Variants in SGCZ observed in about 807,000 individuals in gnomAD.
SGCZ encodes sarcoglycan zeta.
In SGCZ, 40 loss-of-function variants were observed where a neutral mutation model predicts 41.3. The ratio of observed to expected loss-of-function variants is 0.97; its 90% CI spans 0.75 to 1.26. The LOEUF is 1.26. Ranked by LOEUF, SGCZ falls within the 50% of genes most tolerant of loss-of-function variation. The pLI is 0.00. For missense variants in SGCZ, 552 were observed against 369.8 expected (o/e 1.49, Z -4.04); for synonymous variants, 206 against 137.5 (o/e 1.50, Z -3.49).
intron 1 of SGCZ, among the ~76,000 whole-genome samples, chr8:15,075,919 G>C (rs1467757421): frequency 6.6e-6 from 1 of 150,442 alleles, no homozygotes; most frequent in East Asian, 1.9e-4. Flanking sequence ...CAAATCATTT[G>C]AAATATCCCA....
chr8:15,204,087 C>G lies in SGCZ; in HGVS notation c.39+33498G>C, dbSNP rs73533843. Among the ~76,000 whole-genome samples the G allele has an allele frequency of 3.7e-3, 567 of 152,256 alleles. 1 individual carries two copies. Among genetic ancestry groups the G allele is most frequent in the African/African-American group, 0.012 (516 of 41,548 alleles). On this transcript the variant is annotated intron_variant, in intron 1 of 7. Coordinates refer to ENST00000382080, the MANE Select transcript of SGCZ (RefSeq NM_139167.4). Reference sequence around the variant, plus strand: ...TTGAAATTATGACCAATTATAGTAGCTATCTACTCCTAGCATTAAACAGCA... The same window carrying G: ...TTGAAATTATGACCAATTATAGTAGGTATCTACTCCTAGCATTAAACAGCA...
chr8:14,163,421 G>A (rs56145133), intron 5 of SGCZ, among the ~76,000 whole-genome samples: 47,619 of 151,978 alleles, frequency 0.31, 7,762 homozygotes, highest in Middle Eastern at 0.46. Context: ...AACATGTGGT[G>A]TTTGGCTTTC....
At chr8:14,284,530 G>T (rs376501099) in intron 3 of SGCZ, among the ~76,000 whole-genome samples, 1 of 151,958 alleles carries the variant, frequency 6.6e-6, no homozygotes, top group Non-Finnish European at 1.5e-5. Context: ...TTTTTATTCC[G>T]TACGTAGATG....
Position 14,266,284 on chromosome 8 carries a change from A to G in SGCZ, c.337-28605T>C, listed in dbSNP as rs190348064. ...ATGAAGCAATACAAATATAACAGGC[A>G]TGTTCCTTTTCATTCAGGGTCTTCC... On this transcript the variant is annotated intron_variant, in intron 3 of 7. Transcript: ENST00000382080. Among the ~76,000 whole-genome samples, 1,089 of 152,300 alleles carry G rather than the reference A, an allele frequency of 7.2e-3. 9 individuals are homozygous for G. The highest frequency in any genetic ancestry group is 0.017 in the South Asian group (84 of 4,828).
chr8:14,285,329 T>A (rs1800585787), intron 3 of SGCZ, among the ~76,000 whole-genome samples: 1 of 152,120 alleles, frequency 6.6e-6, no homozygotes, highest in Admixed American at 6.6e-5. Flanking sequence ...TGTTTGGGAC[T>A]TATTTCCTCC....
chr8:14,709,640 T>C (rs1471851563), intron 1 of SGCZ, among the ~76,000 whole-genome samples: 3 of 151,276 alleles, frequency 2.0e-5, no homozygotes, highest in Non-Finnish European at 4.4e-5. Context: ...TTCAAAATAA[T>C]ACAGCAAATA....
At chr8:14,259,457 G>A (rs1372558355) in intron 3 of SGCZ, among the ~76,000 whole-genome samples, 3 of 150,628 alleles carry the variant, frequency 2.0e-5, no homozygotes, top group African/African-American at 7.3e-5. Flanking sequence ...GAACGTTTAA[G>A]TCTTTAATCC....
chr8:14,207,849 A>G (rs1197381762), intron 4 of SGCZ, among the ~76,000 whole-genome samples: 2 of 152,176 alleles, frequency 1.3e-5, no homozygotes, highest in Non-Finnish European at 2.9e-5. Context: ...AGAAAAATAT[A>G]CTTGATATGC....
intron 1 of SGCZ, among the ~76,000 whole-genome samples, chr8:14,898,292 C>T (rs1805278916): frequency 6.6e-6 from 1 of 152,048 alleles, no homozygotes; most frequent in Non-Finnish European, 1.5e-5. Flanking sequence ...AGGAAAGATC[C>T]AGGCAAAGAG....
chr8:15,187,701 T>C (rs1296603454), intron 1 of SGCZ, among the ~76,000 whole-genome samples: 1 of 152,042 alleles, frequency 6.6e-6, no homozygotes, highest in Admixed American at 6.5e-5. Context: ...ACTTAAAAAA[T>C]TATTTCTATT....
chr8:14,177,201 G>C (rs931483993), intron 4 of SGCZ, among the ~76,000 whole-genome samples: 5 of 152,112 alleles, frequency 3.3e-5, no homozygotes, highest in African/African-American at 9.7e-5. Flanking sequence ...GAAAATGCCA[G>C]TGGGGACTGG....
chr8:15,161,517 C>G (rs534569467), intron 1 of SGCZ, among the ~76,000 whole-genome samples: 1 of 152,148 alleles, frequency 6.6e-6, no homozygotes, highest in African/African-American at 2.4e-5. Context: ...GTATCCTCAG[C>G]AGTGGGCAGT....
chr8:14,356,422 AATC>A (rs1803294825), intron 2 of SGCZ, among the ~76,000 whole-genome samples: 2 of 152,158 alleles, frequency 1.3e-5, no homozygotes, highest in South Asian at 2.1e-4. Flanking sequence ...TACAGAGAAA[AATC>A]ATGATGAACA....
chr8:14,097,770 T>C (rs1801890007), intron 7 of SGCZ, among the ~76,000 whole-genome samples: 1 of 152,166 alleles, frequency 6.6e-6, no homozygotes, highest in Non-Finnish European at 1.5e-5. Context: ...ATCTGGGTGC[T>C]CCTGTTTTGG....
intron 1 of SGCZ, among the ~76,000 whole-genome samples, chr8:14,646,146 C>A (rs1807207490): frequency 6.6e-6 from 1 of 151,870 alleles, no homozygotes; most frequent in African/African-American, 2.4e-5. Flanking sequence ...CAGGGTACAA[C>A]TGCACCCAGA....
chr8:14,149,787 C>G (rs1220533649), intron 5 of SGCZ, among the ~76,000 whole-genome samples: 1 of 151,956 alleles, frequency 6.6e-6, no homozygotes, highest in Non-Finnish European at 1.5e-5. Flanking sequence ...TACTGTGGAG[C>G]TACAGCAACA....
At chr8:15,123,571 C>G (rs1206918207) in intron 1 of SGCZ, among the ~76,000 whole-genome samples, 2 of 152,104 alleles carry the variant, frequency 1.3e-5, no homozygotes, top group Non-Finnish European at 2.9e-5. Context: ...TTTGATCAAG[C>G]CTTTTCAGTT....
intron 2 of SGCZ, among the ~76,000 whole-genome samples, chr8:14,414,248 A>C (rs1799436727): frequency 6.6e-6 from 1 of 151,842 alleles, no homozygotes; most frequent in Admixed American, 6.6e-5. Flanking sequence ...TTTTAAAGCA[A>C]AAATTGGTTT....
chr8:14,394,973 C>T (rs571731044), intron 2 of SGCZ, among the ~76,000 whole-genome samples: 1 of 152,254 alleles, frequency 6.6e-6, no homozygotes, highest in African/African-American at 2.4e-5. Flanking sequence ...GACATGGACA[C>T]GTTCCTTAAT....
Sources: gnomAD v4.1 joint callset for allele counts (sites outside exome capture counted in the v4.1 genomes callset) on GRCh38, gnomAD v4.1.1 for gene constraint, MANE v1.5 for transcripts, NCBI Gene and HGNC (gene_info 2026-07-23, HGNC 2026-07-21) for gene names.